Variants in GNB5 observed in about 807,000 individuals in gnomAD.
GNB5 encodes the protein G protein subunit beta 5.
GNB5 carries 37 observed loss-of-function variants against 55.3 expected under a neutral mutation model. The observed-to-expected ratio is 0.67, with a 90% CI of 0.51 to 0.88. GNB5 has a LOEUF of 0.88. Ranked by LOEUF, GNB5 falls within the 40% of genes least tolerant of loss-of-function variation. The pLI, the probability that GNB5 is intolerant of heterozygous loss-of-function variation, is 0.00. For synonymous variants in GNB5, 219 were observed against 198.5 expected, an observed-to-expected ratio of 1.10 and a Z score of -0.87; for missense variants, 476 against 515.3, an observed-to-expected ratio of 0.92 and a Z score of 0.74.
chr15:52,180,499 G>A (rs1030563173), intron 2 of GNB5: 1 of 152,282 alleles, frequency 6.6e-6, no homozygotes, highest in Non-Finnish European at 1.5e-5. Flanking sequence ...CTCAGACGGA[G>A]TCTCTGCGGC....
At chr15:52,132,636 A>ATTT (rs1216272462) in intron 9 of GNB5, among the ~76,000 whole-genome samples, 3 of 134,800 alleles carry the variant, frequency 2.2e-5, no homozygotes, top group African/African-American at 5.7e-5. Flanking sequence ...TGCCCTGCTA[A>ATTT]TTTTTTTTTT....
chr15:52,137,598 G>C (rs932300981), intron 7 of GNB5: 12 of 1,109,340 alleles, frequency 1.1e-5, no homozygotes, highest in African/African-American at 1.6e-5. Flanking sequence ...ATAGAGTAAA[G>C]GCACACAGGG....
At chr15:52,141,017 C>T (rs1007293479) in intron 7 of GNB5, 123 bp downstream of exon 7, 5 of 735,992 alleles carry the variant, frequency 6.8e-6, no homozygotes, top group Non-Finnish European at 1.2e-5. Context: ...GGAGCTTCCT[C>T]TTAGAGCAAA....
intron 6 of GNB5, among the ~76,000 whole-genome samples, chr15:52,145,511 G>T (rs534915699): frequency 2.2e-4 from 33 of 152,068 alleles, no homozygotes; most frequent in Non-Finnish European, 4.1e-4. Flanking sequence ...CAGACGTGGT[G>T]GTGCACGCCT....
chr15:52,124,886 C>A, intron 11 of GNB5: 1 of 364,198 alleles, frequency 2.7e-6, no homozygotes, highest in Non-Finnish European at 5.0e-6. Flanking sequence ...GCTTTACACA[C>A]GTAAAGTGCT....
Position 52,119,945 on chromosome 15 carries a change from G to A in GNB5, c.*2812C>T, listed in dbSNP as rs1329279886. On this transcript the variant is annotated 3_prime_UTR_variant, in exon 13 of 13. Transcript: ENST00000261837. ...CAAAGGAGGTAGAAGAGCGGGAAGA[G>A]GGCAGTGGCAACGGGATGCCCACCT... is the stretch of plus-strand genomic sequence containing the variant. 1 of 152,366 alleles carries A rather than the reference G, an allele frequency of 6.6e-6. No homozygotes were observed. The highest frequency in any genetic ancestry group is 1.5e-5 in the Non-Finnish European group (1 of 68,174). 9.4% of individuals were successfully genotyped at this position (152,366 alleles called of 1,614,324 possible).
At chr15:52,126,153 A>C in intron 10 of GNB5, 109 bp from the exon 11 acceptor site, 1 of 620,038 alleles carries the variant, frequency 1.6e-6, no homozygotes, top group East Asian at 2.8e-5. Context: ...TAAAAGATGA[A>C]GGAAAAACTT....
intron 3 of GNB5, among the ~76,000 whole-genome samples, chr15:52,169,456 T>G (rs117979578): frequency 0.028 from 3,955 of 139,368 alleles, 72 homozygotes; most frequent in Middle Eastern, 0.058. Flanking sequence ...GAGAAGAGCC[T>G]GAACCCAGGA....
At chr15:52,186,571 G>A (rs1166277602) in intron 1 of GNB5, among the ~76,000 whole-genome samples, 1 of 152,180 alleles carries the variant, frequency 6.6e-6, no homozygotes, top group Non-Finnish European at 1.5e-5. Context: ...CTGGAGATGA[G>A]GACAAAGCGG....
In GNB5 at chr15:52,146,292, A is replaced by T. The variant is rs139868012; in HGVS notation, c.494+1167T>A. On this transcript the variant is annotated intron_variant, in intron 6 of 12. Transcript: ENST00000261837. Reference sequence around the variant, plus strand: ...CTCTTTTTAAAAACATGGCTGAGATACTGTGGCAGAAATATTTTGAATGGT... The same window carrying T: ...CTCTTTTTAAAAACATGGCTGAGATTCTGTGGCAGAAATATTTTGAATGGT... Among the ~76,000 whole-genome samples the T allele has an allele frequency of 5.5e-3, 832 of 152,256 alleles. 9 individuals carry two copies. Among genetic ancestry groups the T allele is most frequent in the African/African-American group, 0.019 (781 of 41,534 alleles).
In GNB5 at chr15:52,136,172, A is replaced by ACACACACACACCCC. The variant is rs1168734914; in HGVS notation, c.628-417_628-416insGGGGTGTGTGTGTG. Among the ~76,000 whole-genome samples, 17 of 100,048 alleles carry ACACACACACACCCC rather than the reference A, an allele frequency of 1.7e-4. 1 individual carries two copies. Among genetic ancestry groups the ACACACACACACCCC allele is most frequent in the African/African-American group, 7.5e-4 (17 of 22,724 alleles). The allele number at this position is 100,048 out of a possible 152,430, so 65.6% of individuals were successfully genotyped here. A position where few individuals can be genotyped will look rare whatever the true frequency, so the allele number is the denominator to read the frequency against. On this transcript the variant is annotated intron_variant, in intron 7 of 12. Coordinates refer to ENST00000261837, the MANE Select transcript of GNB5 (RefSeq NM_016194.4). ...CACACACACACACACACACACACACACCCTACCTGCTGTATCTGGGTTCAT... is the reference window on the plus strand; with the variant it reads ...CACACACACACACACACACACACACACACACACACACCCCCCCTACCTGCTGTATCTGGGTTCAT...
In GNB5 at chr15:52,118,465, G is replaced by C. The variant is rs1438180107; in HGVS notation, c.*4292C>G. 1 of 152,056 alleles carries C rather than the reference G, an allele frequency of 6.6e-6. No homozygotes were observed. The highest frequency in any genetic ancestry group is 1.5e-5 in the Non-Finnish European group (1 of 68,020). The allele number at this position is 152,056 out of a possible 1,614,324, so 9.4% of individuals were successfully genotyped here. Reference sequence around the variant, plus strand: ...CACCTTGATGGCTAATGGAACGTGTGCATCTGTATTCTTGTGTTTTATAAC... The same window carrying C: ...CACCTTGATGGCTAATGGAACGTGTCCATCTGTATTCTTGTGTTTTATAAC... On this transcript the variant is annotated 3_prime_UTR_variant, in exon 13 of 13. Transcript: ENST00000261837.
rs1365238478 is a variant in GNB5 at position 52,136,063 on chromosome 15, GAACACA to G, written c.628-313_628-308del. On this transcript the variant is annotated intron_variant, in intron 7 of 12. Coordinates refer to ENST00000261837, the MANE Select transcript of GNB5 (RefSeq NM_016194.4). ...GCTTAACGTTTTGCAGGGAAAAGCA[GAACACA>G]CACACACACACACACACACACACAC... 2.5e-3 allele frequency among the ~76,000 whole-genome samples: 202 copies of G among 79,400 alleles called. 6 individuals are homozygous for G. The South Asian group carries it at 0.051, about 20-fold the overall frequency. 52.1% of individuals were successfully genotyped at this position (79,400 alleles called of 152,430 possible).
At chr15:52,149,961 A>C (rs750390198) in intron 4 of GNB5, 36 bp from the exon 5 acceptor site, 1 of 1,507,460 alleles carries the variant, frequency 6.6e-7, no homozygotes, top group Non-Finnish European at 9.2e-7. Context: ...AGGGGTTGTC[A>C]AGTTCTTACA....
At chr15:52,126,164 C>T in intron 10 of GNB5, 120 bp from the exon 11 acceptor site, 1 of 606,852 alleles carries the variant, frequency 1.6e-6, no homozygotes, top group Middle Eastern at 3.3e-4. Flanking sequence ...GGAAAAACTT[C>T]TTAGTTTTCC....
intron 1 of GNB5, among the ~76,000 whole-genome samples, chr15:52,185,540 G>A (rs2034832118): frequency 6.6e-6 from 1 of 152,168 alleles, no homozygotes; most frequent in Admixed American, 6.5e-5. Context: ...AGGGACATGG[G>A]TAGGGGCAGG....
intron 10 of GNB5, among the ~76,000 whole-genome samples, chr15:52,126,845 A>T (rs1382477900): frequency 6.6e-6 from 1 of 152,152 alleles, no homozygotes; most frequent in Non-Finnish European, 1.5e-5. Context: ...CCCAGGCTGG[A>T]GTGCAATGGC....
Position 52,117,102 on chromosome 15 carries a change from A to ATATATATATT in GNB5, c.*5654_*5655insAATATATATA. 1.7e-4 allele frequency: 15 copies of ATATATATATT among 87,100 alleles called. 2 individuals are homozygous for ATATATATATT. Among genetic ancestry groups the ATATATATATT allele is most frequent in the African/African-American group, 5.5e-4 (9 of 16,446 alleles). 5.4% of individuals were successfully genotyped at this position (87,100 alleles called of 1,614,324 possible). ...CCACGCCCAGCTAATATATATATAT[A>ATATATATATT]TTTTTTTTTAGTACAGACAGGGTTT... On this transcript the variant is annotated 3_prime_UTR_variant, in exon 13 of 13. Coordinates refer to ENST00000261837, the MANE Select transcript of GNB5 (RefSeq NM_016194.4).
chr15:52,131,617 A>C (rs1459803163), intron 9 of GNB5, among the ~76,000 whole-genome samples: 1 of 152,152 alleles, frequency 6.6e-6, no homozygotes, highest in Admixed American at 6.6e-5. Flanking sequence ...AGTAATTTTC[A>C]GATTGATTTC....
Sources: gnomAD v4.1 joint callset for allele counts (sites outside exome capture counted in the v4.1 genomes callset) on GRCh38, gnomAD v4.1.1 for gene constraint, MANE v1.5 for transcripts, NCBI Gene and HGNC (gene_info 2026-07-23, HGNC 2026-07-21) for gene names.